LARGE1: variants seen among roughly 807,000 people sequenced by gnomAD.
LARGE1 encodes LARGE xylosyl- and glucuronyltransferase 1.
In LARGE1, 43 loss-of-function variants were observed where a neutral mutation model predicts 87.6. The ratio of observed to expected loss-of-function variants is 0.49; its 90% CI spans 0.38 to 0.63. The LOEUF is 0.63. Among genes scored for constraint, LARGE1 ranks in the 30% least tolerant of loss-of-function variants. The pLI, the probability that LARGE1 is intolerant of heterozygous loss-of-function variation, is 0.00. For missense variants in LARGE1, 802 were observed against 1,000.2 expected (o/e 0.80, Z 2.67); for synonymous variants, 434 against 394.6 (o/e 1.10, Z -1.18).
At chr22:33,509,943 C>T (rs747859661) in intron 6 of LARGE1, among the ~76,000 whole-genome samples, 6 of 152,118 alleles carry the variant, frequency 3.9e-5, no homozygotes, top group Non-Finnish European at 8.8e-5. Flanking sequence ...AAAGTCTCGC[C>T]GCTCCCCTGT....
chr22:33,432,752 G>T (rs2067125707), intron 6 of LARGE1, among the ~76,000 whole-genome samples: 1 of 152,190 alleles, frequency 6.6e-6, no homozygotes, highest in Admixed American at 6.5e-5. Flanking sequence ...ACGACAGGGA[G>T]GAGGGATTAC....
Position 33,698,584 on chromosome 22 carries a change from C to T in LARGE1, c.107-47916G>A, listed in dbSNP as rs140641506. ...CTTAGCCTCCCAAAGGGATTATAAA[C>T]GTGAGCCACTGCGCCCAGCCAACAA... On this transcript the variant is annotated intron_variant, in intron 2 of 14. Coordinates refer to ENST00000397394, the MANE Select transcript of LARGE1 (RefSeq NM_133642.5). Among the ~76,000 whole-genome samples, 29 of 152,312 alleles carry T rather than the reference C, an allele frequency of 1.9e-4. No homozygotes were observed. In the East Asian group the frequency reaches 4.2e-3, roughly 22 times the overall value.
At chr22:33,450,269 G>C (rs2067856387) in intron 6 of LARGE1, among the ~76,000 whole-genome samples, 1 of 151,984 alleles carries the variant, frequency 6.6e-6, no homozygotes. Context: ...AATCAGAGTT[G>C]CAAGGGCCTG....
intron 7 of LARGE1, among the ~76,000 whole-genome samples, chr22:33,425,723 T>A (rs1201841464): frequency 6.6e-6 from 1 of 152,142 alleles, no homozygotes; most frequent in Non-Finnish European, 1.5e-5. Context: ...TGTAATAGCT[T>A]TCTTTACTTC....
intron 5 of LARGE1, among the ~76,000 whole-genome samples, chr22:33,593,699 T>C (rs1475591290): frequency 1.3e-5 from 2 of 152,242 alleles, no homozygotes; most frequent in East Asian, 3.8e-4. Context: ...ACTTAATATT[T>C]ACAATCTGTA....
chr22:33,125,681 G>A, the LARGE1 span, among the ~76,000 whole-genome samples: 13 of 152,158 alleles, frequency 8.5e-5, no homozygotes, highest in Admixed American at 7.9e-4. Flanking sequence ...TCCTGACCTC[G>A]TGATCCACTC....
intron 5 of LARGE1, among the ~76,000 whole-genome samples, chr22:33,597,296 A>C (rs1018359714): frequency 4.4e-4 from 66 of 149,682 alleles, no homozygotes; most frequent in African/African-American, 4.7e-4. Context: ...AAAAAAAAAA[A>C]AACTTGTAAG....
intron 2 of LARGE1, among the ~76,000 whole-genome samples, chr22:33,753,891 C>G (rs62225410): frequency 0.034 from 5,146 of 152,036 alleles, 119 homozygotes; most frequent in Middle Eastern, 0.075. Context: ...GAAACCCTAT[C>G]TTTACTAAAA....
intron 11 of LARGE1, among the ~76,000 whole-genome samples, chr22:33,267,000 G>A: frequency 6.6e-6 from 1 of 151,706 alleles, no homozygotes; most frequent in East Asian, 1.9e-4. Flanking sequence ...AGCACTTTGG[G>A]AGTCCGAAGC....
At chr22:33,403,949 T>TGA (rs2066009317) in intron 7 of LARGE1, among the ~76,000 whole-genome samples, 1 of 152,180 alleles carries the variant, frequency 6.6e-6, no homozygotes, top group Admixed American at 6.5e-5. Context: ...AAAATAGTTA[T>TGA]GATGATATTA....
chr22:33,454,083 T>C (rs2068039582), intron 6 of LARGE1, among the ~76,000 whole-genome samples: 1 of 152,182 alleles, frequency 6.6e-6, no homozygotes, highest in Non-Finnish European at 1.5e-5. Flanking sequence ...ATTTAACATA[T>C]GAGGTCTCTG....
intron 2 of LARGE1, among the ~76,000 whole-genome samples, chr22:33,698,686 C>G (rs756802266): frequency 5.9e-5 from 9 of 152,154 alleles, no homozygotes; most frequent in Non-Finnish European, 4.4e-5. Flanking sequence ...TTTACTGAAC[C>G]TTTACTGAAC....
chr22:33,510,623 T>C (rs896537208), intron 6 of LARGE1, among the ~76,000 whole-genome samples: 14 of 152,248 alleles, frequency 9.2e-5, no homozygotes, highest in African/African-American at 2.9e-4. Context: ...GAGGGTAGGC[T>C]GGGGTGCAAT....
At chr22:33,363,405 A>G (rs1240325531) in intron 9 of LARGE1, among the ~76,000 whole-genome samples, 2 of 149,862 alleles carry the variant, frequency 1.3e-5, no homozygotes, top group Non-Finnish European at 3.0e-5. Context: ...CAAGAGAAAG[A>G]ATGAGACCCA....
intron 5 of LARGE1, among the ~76,000 whole-genome samples, chr22:33,592,066 G>A (rs1602606950): frequency 8.5e-6 from 1 of 118,196 alleles, no homozygotes; most frequent in Non-Finnish European, 1.8e-5. Flanking sequence ...GAGAGGAGAA[G>A]GGAGGGGAGG....
intron 2 of LARGE1, among the ~76,000 whole-genome samples, chr22:33,685,669 T>C (rs540607049): frequency 1.3e-5 from 2 of 152,362 alleles, no homozygotes; most frequent in East Asian, 3.9e-4. Flanking sequence ...TATCAAGTTC[T>C]GGAATCAGAA....
At chr22:33,502,585 T>C (rs1479050006) in intron 6 of LARGE1, among the ~76,000 whole-genome samples, 1 of 152,094 alleles carries the variant, frequency 6.6e-6, no homozygotes, top group Non-Finnish European at 1.5e-5. Flanking sequence ...TGCTTTTTTT[T>C]TGAGACAGAG....
At chr22:33,349,564 T>C (rs114218017) in intron 9 of LARGE1, among the ~76,000 whole-genome samples, 2,747 of 152,294 alleles carry the variant, frequency 0.018, 103 homozygotes, top group African/African-American at 0.063. Flanking sequence ...GGAGGCTTGG[T>C]CAATGTTTGT....
intron 1 of LARGE1, among the ~76,000 whole-genome samples, chr22:33,844,787 C>T (rs909291022): frequency 6.6e-6 from 1 of 150,984 alleles, no homozygotes; most frequent in African/African-American, 2.4e-5. Context: ...ATGGCACAAT[C>T]TCGGCTCACT....
Sources: gnomAD v4.1 joint callset for allele counts (sites outside exome capture counted in the v4.1 genomes callset) on GRCh38, gnomAD v4.1.1 for gene constraint, MANE v1.5 for transcripts, NCBI Gene and HGNC (gene_info 2026-07-23, HGNC 2026-07-21) for gene names.